The following ANKS4B variants were observed in gnomAD, a reference collection of about 807,000 sequenced individuals.
ANKS4B encodes ankyrin repeat and sterile alpha motif domain containing 4B.
A neutral mutation model predicts 20.2 loss-of-function variants in ANKS4B; 21 were observed. The ratio of observed to expected loss-of-function variants is 1.04; its 90% CI spans 0.74 to 1.50. The LOEUF (loss-of-function observed/expected upper bound fraction) is 1.50, where lower values mean the gene tolerates loss of function less well. Among genes scored for constraint, ANKS4B ranks in the 40% most tolerant of loss-of-function variants. The pLI, the probability that ANKS4B is intolerant of heterozygous loss-of-function variation, is 0.00. For synonymous variants in ANKS4B, 179 were observed against 194.5 expected, an observed-to-expected ratio of 0.92 and a Z score of 0.66; for missense variants, 473 against 494.6, an observed-to-expected ratio of 0.96 and a Z score of 0.41.
At chr16:21,249,631 T>G in intron 1 of ANKS4B, 100 bp from the exon 2 acceptor site, 1 of 1,312,898 alleles carries the variant, frequency 7.6e-7, no homozygotes, top group South Asian at 1.5e-5. Flanking sequence ...ATGTTTGTAT[T>G]AACGTGCCTT....
rs35457248 is a variant in ANKS4B, at chr16:21,251,932, C to CTT, written c.*1128_*1129dup. 9.0e-5 allele frequency: 11 copies of CTT among 122,130 alleles called. No homozygotes were observed. The highest frequency in any genetic ancestry group is 2.5e-4 in the Admixed American group (3 of 12,046). The allele number at this position is 122,130 out of a possible 1,614,324, so 7.6% of individuals were successfully genotyped here. A position where few individuals can be genotyped will look rare whatever the true frequency, so the allele number is the denominator to read the frequency against. ...TGTAGGACTGGTGTCCTTTTTTTCC[C>CTT]TTTTTTTTTTTTTTTTTGAGATGGA... On this transcript the variant is annotated 3_prime_UTR_variant, in exon 2 of 2. Coordinates refer to ENST00000311620, the MANE Select transcript of ANKS4B (RefSeq NM_145865.3).
rs879486057 is a variant in ANKS4B at position 21,252,953 on chromosome 16, G to A, written c.*2133G>A. 3 of 150,748 alleles carry A rather than the reference G, an allele frequency of 2.0e-5. No individual in the cohort carries two copies. The highest frequency in any genetic ancestry group is 7.3e-5 in the African/African-American group (3 of 40,988). 9.3% of individuals were successfully genotyped at this position (150,748 alleles called of 1,614,324 possible). On this transcript the variant is annotated 3_prime_UTR_variant, in exon 2 of 2. Coordinates refer to ENST00000311620, the MANE Select transcript of ANKS4B (RefSeq NM_145865.3). ...GCAAGAGAATTGCTTGAACCCAAAA[G>A]GTGGAGGTTGCAGTGAGTTGAGATT...
chr16:21,250,747 A>T lies in ANKS4B; in HGVS notation c.1181A>T (p.Lys394Ile). ...SIQMQLGPRK[K>I]VLNAINRRKQ... ...CAAATGCAGCTGGGTCCCAGGAAGA[A>T]AGTTCTGAATGCTATCAACAGGAGG... The change falls in exon 2 of 2, where the codon AAA (lysine) becomes ATA (isoleucine). Residue 394 changes from lysine to isoleucine, a missense_variant. Lys to Ile is a moderately radical substitution (Grantham distance 102). Coordinates refer to ENST00000311620, the MANE Select transcript of ANKS4B (RefSeq NM_145865.3). 1.2e-6 allele frequency: 2 copies of T among 1,609,690 alleles called. No homozygotes were observed. Among genetic ancestry groups the T allele is most frequent in the Non-Finnish European group, 1.7e-6 (2 of 1,176,262 alleles).
At chr16:21,249,310 C>G (rs1413343654) in intron 1 of ANKS4B, among the ~76,000 whole-genome samples, 4 of 152,108 alleles carry the variant, frequency 2.6e-5, no homozygotes, top group Non-Finnish European at 5.9e-5. Flanking sequence ...ATGGTGAAAC[C>G]CTGTCTCTAC....
Position 21,249,740 on chromosome 16 carries a change from T to C in ANKS4B, c.174T>C (p.Pro58=). The C allele has an allele frequency of 2.5e-6, 4 of 1,610,004 alleles. No individual in the cohort carries two copies. The highest frequency in any genetic ancestry group is 3.4e-6 in the Non-Finnish European group (4 of 1,176,676). ...LEIICSRGGD[P]DRCDIWGNTP... The stretch of plus-strand genomic sequence containing the variant: ...TCTCTCTCTCTTCTAGAGGGGACCC[T>C]GATAGGTGTGACATCTGGGGAAACA... Residue 58 remains proline (P), a synonymous_variant, in exon 2 of 2, where the codon CCT becomes CCC. Coordinates refer to ENST00000311620, the MANE Select transcript of ANKS4B (RefSeq NM_145865.3).
At chr16:21,246,473 G>A (rs1188313408) in intron 1 of ANKS4B, among the ~76,000 whole-genome samples, 1 of 152,154 alleles carries the variant, frequency 6.6e-6, no homozygotes, top group East Asian at 1.9e-4. Context: ...ATGGCTAGTA[G>A]ATATTTAAGA....
intron 1 of ANKS4B, among the ~76,000 whole-genome samples, chr16:21,242,946 C>A (rs1023121069): frequency 6.6e-6 from 1 of 152,146 alleles, no homozygotes; most frequent in Non-Finnish European, 1.5e-5. Flanking sequence ...AGCAGTATTT[C>A]TTTCCCCATA....
chr16:21,245,854 G>A (rs556669499), intron 1 of ANKS4B, among the ~76,000 whole-genome samples: 1 of 152,162 alleles, frequency 6.6e-6, no homozygotes, highest in South Asian at 2.1e-4. Flanking sequence ...TGAAATTAAG[G>A]ATTATGAGTT....
Position 21,250,152 on chromosome 16 carries a change from T to TCACTATCTAAGGG in ANKS4B, c.589_601dup (p.Ile201ThrfsTer3). The stretch of plus-strand genomic sequence containing the variant: ...TGCTTCTGCTCCTGGCACATTCGGG[T>TCACTATCTAAGGG]CACTATCTAAGGGCATTAAAGACAC... On this transcript the variant is annotated frameshift_variant, in exon 2 of 2. Coordinates refer to ENST00000311620, the MANE Select transcript of ANKS4B (RefSeq NM_145865.3). LOFTEE classifies it high-confidence loss of function. The TCACTATCTAAGGG allele has an allele frequency of 6.2e-7, 1 of 1,614,078 alleles. No homozygotes were observed. Among genetic ancestry groups the TCACTATCTAAGGG allele is most frequent in the Non-Finnish European group, 8.5e-7 (1 of 1,180,022 alleles).
Position 21,250,206 on chromosome 16 carries a change from G to C in ANKS4B, c.640G>C (p.Asp214His). Reference protein sequence around the residue: ...TFKIKFKKNKDTAEQVGKEGR... With the variant: ...TFKIKFKKNKHTAEQVGKEGR... ...CAAGATCAAGTTCAAGAAGAACAAA[G>C]ATACAGCAGAACAGGTGGGGAAGGA... is the stretch of plus-strand genomic sequence containing the variant. Residue 214 changes from aspartate to histidine, a missense_variant, in exon 2 of 2, where the codon GAT becomes CAT. By Grantham distance (81) the Asp-to-His change is moderately conservative. Transcript: ENST00000311620. The C allele has an allele frequency of 6.2e-7, 1 of 1,614,172 alleles. No individual in the cohort carries two copies. The highest frequency in any genetic ancestry group is 8.5e-7 in the Non-Finnish European group (1 of 1,180,036).
At position 21,249,744 on chromosome 16, in the gene ANKS4B, A is replaced by T. The variant is rs774678647; in HGVS notation, c.178A>T (p.Arg60Trp). 1.0e-4 allele frequency: 163 copies of T among 1,610,138 alleles called. No homozygotes were observed. Among genetic ancestry groups the T allele is most frequent in the Non-Finnish European group, 1.4e-4 (162 of 1,176,816 alleles). Residue 60 changes from arginine (R) to tryptophan (W), a missense_variant, in exon 2 of 2, where the codon AGG (arginine) becomes TGG (tryptophan). Physicochemically the swap from Arg to Trp is moderately radical, Grantham distance 101. Transcript: ENST00000311620. The part of the protein sequence containing the change: ...IICSRGGDPD[R>W]CDIWGNTPLH... ...TCTCTCTTCTAGAGGGGACCCTGAT[A>T]GGTGTGACATCTGGGGAAACACTCC...
Position 21,249,906 on chromosome 16 carries a change from G to A in ANKS4B, c.340G>A (p.Val114Ile). The change falls in exon 2 of 2, where the codon GTT becomes ATT. Residue 114 changes from valine to isoleucine, a missense_variant. By Grantham distance (29) the Val-to-Ile change is conservative. Coordinates refer to ENST00000311620, the MANE Select transcript of ANKS4B (RefSeq NM_145865.3). ...TGCCAGCAGGGAGCAGAATGAATGTGTTGCTCTCCTGGACAAGGCTGCCAC... is the reference window on the plus strand; with the variant it reads ...TGCCAGCAGGGAGCAGAATGAATGTATTGCTCTCCTGGACAAGGCTGCCAC... ...AAASREQNEC[V>I]ALLDKAATAQ... 1 of 1,614,176 alleles carries A rather than the reference G, an allele frequency of 6.2e-7. No individual in the cohort carries two copies. The highest frequency in any genetic ancestry group is 8.5e-7 in the Non-Finnish European group (1 of 1,180,044).
At chr16:21,239,162 G>A (rs564150365) in intron 1 of ANKS4B, among the ~76,000 whole-genome samples, 23 of 152,304 alleles carry the variant, frequency 1.5e-4, no homozygotes, top group Admixed American at 3.3e-4. Flanking sequence ...GTTGGTGGGA[G>A]TGTAAATTAG....
intron 1 of ANKS4B, among the ~76,000 whole-genome samples, chr16:21,247,070 C>CTT (rs766409434): frequency 7.2e-6 from 1 of 139,294 alleles, no homozygotes; most frequent in African/African-American, 2.6e-5. Flanking sequence ...TTTTGGTTTG[C>CTT]TTTTTTTTTT....
intron 1 of ANKS4B, among the ~76,000 whole-genome samples, chr16:21,238,257 T>G (rs144623759): frequency 9.5e-4 from 144 of 152,368 alleles, no homozygotes; most frequent in African/African-American, 3.3e-3. Context: ...GAAAATTCTT[T>G]TTATGCTTAA....
rs527838854 is a variant in ANKS4B at position 21,251,103 on chromosome 16, T to C, written c.*283T>C. The C allele has an allele frequency of 1.7e-4, 57 of 328,114 alleles. No homozygotes were observed. Among genetic ancestry groups the C allele is most frequent in the Middle Eastern group, 9.0e-4 (1 of 1,108 alleles). 20.3% of individuals were successfully genotyped at this position (328,114 alleles called of 1,614,324 possible). ...TTGTTTTTGTGGTTGTTTTGTTTTG[T>C]TTTGTTTTGTTTTTTGGAGATGAAG... is the stretch of plus-strand genomic sequence containing the variant. On this transcript the variant is annotated 3_prime_UTR_variant, in exon 2 of 2. Transcript: ENST00000311620.
intron 1 of ANKS4B, among the ~76,000 whole-genome samples, chr16:21,234,794 T>C (rs1398136084): frequency 6.6e-6 from 1 of 152,128 alleles, no homozygotes; most frequent in African/African-American, 2.4e-5. Flanking sequence ...GTCCCTGTCA[T>C]AGTGAGCAGA....
Position 21,246,452 on chromosome 16 carries a change from AT to A in ANKS4B, c.165-3272del, listed in dbSNP as rs1043427589. 5.3e-5 allele frequency among the ~76,000 whole-genome samples: 8 copies of A among 152,302 alleles called. No individual in the cohort carries two copies. The South Asian group carries it at 1.7e-3, about 32-fold the overall frequency. On this transcript the variant is annotated intron_variant, in intron 1 of 1. Coordinates refer to ENST00000311620, the MANE Select transcript of ANKS4B (RefSeq NM_145865.3). ...GGAGTTAAGAGTATAAAGTATATTG[AT>A]TTTTTTATTATGGCTAGTAGATATT...
At position 21,251,089 on chromosome 16, in the gene ANKS4B, GTTGTTTTGTT is replaced by G. The variant is rs759794962; in HGVS notation, c.*287_*296del. 2.1e-5 allele frequency: 8 copies of G among 383,252 alleles called. No individual in the cohort carries two copies. Among genetic ancestry groups the G allele is most frequent in the East Asian group, 1.6e-4 (4 of 25,324 alleles). The allele number at this position is 383,252 out of a possible 1,614,324, so 23.7% of individuals were successfully genotyped here. On this transcript the variant is annotated 3_prime_UTR_variant, in exon 2 of 2. Transcript: ENST00000311620. Reference sequence around the variant, plus strand: ...ATATGTACATATAATTGTTTTTGTGGTTGTTTTGTTTTGTTTTGTTTTGTTTTTTGGAGAT... The same window carrying G: ...ATATGTACATATAATTGTTTTTGTGGTTGTTTTGTTTTGTTTTTTGGAGAT...
Sources: gnomAD v4.1 joint callset for allele counts (sites outside exome capture counted in the v4.1 genomes callset) on GRCh38, gnomAD v4.1.1 for gene constraint, MANE v1.5 for transcripts, NCBI Gene and HGNC (gene_info 2026-07-23, HGNC 2026-07-21) for gene names.